ACLY: variants seen among roughly 807,000 people sequenced by gnomAD.
The protein encoded by ACLY is ATP-citrate synthase.
A neutral mutation model predicts 133.0 loss-of-function variants in ACLY; 41 were observed. The ratio of observed to expected loss-of-function variants is 0.31; its 90% confidence interval spans 0.24 to 0.40. The LOEUF is 0.40. Among genes scored for constraint, ACLY ranks in the 10% least tolerant of loss-of-function variants. The probability of loss-of-function intolerance (pLI) is 1.00; values close to 1 mark genes in which losing one functional copy is unlikely to be tolerated. For synonymous variants in ACLY, 495 were observed against 549.3 expected, an observed-to-expected ratio of 0.90 and a Z score of 1.38; for missense variants, 1,046 against 1,453.8, an observed-to-expected ratio of 0.72 and a Z score of 4.56.
At chr17:41,882,367 C>CAAAAAAAAAA (rs34078258) in intron 20 of ACLY, among the ~76,000 whole-genome samples, 3,179 of 40,234 alleles carry the variant, frequency 0.079, 1,004 homozygotes, top group South Asian at 0.12. Flanking sequence ...ACCCTGTCTC[C>CAAAAAAAAAA]AAAAAAAAAA....
At chr17:41,913,078 C>G (rs1487701685) in intron 2 of ACLY, among the ~76,000 whole-genome samples, 1 of 152,148 alleles carries the variant, frequency 6.6e-6, no homozygotes, top group African/African-American at 2.4e-5. Context: ...GAGCTGCCTC[C>G]TAGTGGGAAG....
upstream of ACLY, among the ~76,000 whole-genome samples, chr17:41,923,150 G>A (rs1208127819): frequency 6.6e-6 from 1 of 152,072 alleles, no homozygotes; most frequent in Admixed American, 6.5e-5. Context: ...TGGCTAACAT[G>A]GCAAAACCCC....
intron 23 of ACLY, among the ~76,000 whole-genome samples, chr17:41,873,173 T>A (rs1555625407): frequency 6.6e-6 from 1 of 150,604 alleles, no homozygotes; most frequent in Non-Finnish European, 1.5e-5. Flanking sequence ...GAACACAAGG[T>A]ACTTTTTTTT....
At chr17:41,918,329 C>G (rs769243988) in intron 1 of ACLY, among the ~76,000 whole-genome samples, 42 of 152,254 alleles carry the variant, frequency 2.8e-4, no homozygotes, top group Non-Finnish European at 4.9e-4. Context: ...GGCAGCCTGG[C>G]CCCGCGTGGC....
rs192826300 is a variant in ACLY, at chr17:41,889,380, G to A, written c.1771-1677C>T. Among the ~76,000 whole-genome samples, 14 of 150,798 alleles carry A rather than the reference G, an allele frequency of 9.3e-5. 1 individual carries two copies. The highest frequency in any genetic ancestry group is 3.3e-4 in the Admixed American group (5 of 15,170). ...TTGAAAATACAAAAATTAGCTGGGC[G>A]TGGTGGCAGGCGCCTGTAGTCCCAG... is the stretch of plus-strand genomic sequence containing the variant. On this transcript the variant is annotated intron_variant, in intron 16 of 28. Transcript: ENST00000352035.
intron 20 of ACLY, among the ~76,000 whole-genome samples, chr17:41,879,932 G>A (rs189062963): frequency 7.2e-5 from 11 of 152,126 alleles, no homozygotes; most frequent in Non-Finnish European, 1.3e-4. Context: ...GTTTCGCCAT[G>A]TGGTCCAGGC....
chr17:41,929,865 C>CGTGTGTGT (rs34705137), intron 1 of ACLY, among the ~76,000 whole-genome samples: 2,097 of 150,050 alleles, frequency 0.014, 12 homozygotes, highest in Non-Finnish European at 0.02. Flanking sequence ...ACATGTATGC[C>CGTGTGTGT]GTGTGTGTGT....
rs1186142165 is a variant in ACLY, at chr17:41,908,357, T to C, written c.616+632A>G. Among the ~76,000 whole-genome samples the C allele has an allele frequency of 2.6e-5, 4 of 152,244 alleles. No individual in the cohort carries two copies. The East Asian group carries it at 7.7e-4, about 29-fold the overall frequency. ...GGGAGGCAAGTGTGAGGCCTCTGAG[T>C]GTACCAGGAGGAATGAAGGGCCAAA... On this transcript the variant is annotated intron_variant, in intron 6 of 28. Transcript: ENST00000352035.
Position 41,892,263 on chromosome 17 carries a change from G to C in ACLY, c.1770+16C>G. ...CATGGTCCCCACCCCCCACCCTCCA[G>C]AGCCCAGTGATCTACCTGGGCATAG... On this transcript the variant is annotated intron_variant, in intron 16 of 28. Transcript: ENST00000352035. 1 of 951,600 alleles carries C rather than the reference G, an allele frequency of 1.1e-6. No individual in the cohort carries two copies. The allele number at this position is 951,600 out of a possible 1,614,324, so 58.9% of individuals were successfully genotyped here. A position where few individuals can be genotyped will look rare whatever the true frequency, so the allele number is the denominator to read the frequency against.
At chr17:41,868,954 CTATTA>C (rs1298218566) in intron 27 of ACLY, 84 bp downstream of exon 27, 92 of 1,374,394 alleles carry the variant, frequency 6.7e-5, no homozygotes, top group Admixed American at 1.2e-4. Context: ...TTCAAATATT[CTATTA>C]TGAGTATGCA....
chr17:41,886,516 T>C (rs1298693896), intron 17 of ACLY, among the ~76,000 whole-genome samples: 5 of 152,226 alleles, frequency 3.3e-5, no homozygotes, highest in South Asian at 2.1e-4. Context: ...AGAGCCTTAT[T>C]TGTAAAGCAT....
chr17:41,907,320 C>T, intron 7 of ACLY, 122 bp downstream of exon 7: 3 of 500,474 alleles, frequency 6.0e-6, no homozygotes, highest in African/African-American at 2.0e-5. Flanking sequence ...TTAAATGCTT[C>T]TCAGTCTTCC....
rs200246689 is a variant in ACLY at position 41,913,776 on chromosome 17, C to T, written c.98G>A (p.Arg33Gln). The change falls in exon 2 of 29, where the codon CGG becomes CAG. Residue 33 changes from arginine to glutamine, a missense_variant. By Grantham distance (43) the Arg-to-Gln change is conservative. Coordinates refer to ENST00000352035, the MANE Select transcript of ACLY (RefSeq NM_001096.3). ...SAIQNRFKYA[R>Q]VTPDTDWARL... ...GGCCCAGTCTGTGTCAGGAGTGACC[C>T]GAGCATACTTGAACCGATTCTGGAT... The T allele has an allele frequency of 6.8e-6, 11 of 1,614,098 alleles. No homozygotes were observed. The highest frequency in any genetic ancestry group is 2.7e-5 in the African/African-American group (2 of 74,936).
intron 20 of ACLY, among the ~76,000 whole-genome samples, chr17:41,882,080 G>A (rs1555627417): frequency 6.6e-6 from 1 of 151,830 alleles, no homozygotes; most frequent in Non-Finnish European, 1.5e-5. Context: ...CATGTAAGTT[G>A]TTTCCAGGCC....
At chr17:41,914,619 C>T (rs1385203073) in intron 1 of ACLY, among the ~76,000 whole-genome samples, 1 of 152,180 alleles carries the variant, frequency 6.6e-6, no homozygotes, top group Non-Finnish European at 1.5e-5. Flanking sequence ...GGAAACCGAC[C>T]TTTAGCACAT....
chr17:41,929,147 T>C (rs562416195), intron 1 of ACLY, among the ~76,000 whole-genome samples: 34 of 149,438 alleles, frequency 2.3e-4, no homozygotes, highest in African/African-American at 7.8e-4. Flanking sequence ...CAGGCTACAA[T>C]GCAGTGGCCC....
In ACLY at chr17:41,912,351, G is replaced by A. The variant is rs551434880; in HGVS notation, c.282+69C>T. ...GGCTGTGGGGGTGATCCACAGAGCT[G>A]CTGACCTGGAGGTGACCATATTTGC... On this transcript the variant is annotated intron_variant, in intron 3 of 28. Transcript: ENST00000352035. 4.4e-6 allele frequency: 7 copies of A among 1,576,596 alleles called. No homozygotes were observed. The African/African-American group carries it at 9.4e-5, about 21-fold the overall frequency.
At chr17:41,918,107 T>C (rs923380224) in intron 1 of ACLY, among the ~76,000 whole-genome samples, 3 of 152,192 alleles carry the variant, frequency 2.0e-5, no homozygotes, top group Non-Finnish European at 4.4e-5. Context: ...GACTGGCCCA[T>C]TGCCAGGCTC....
intron 25 of ACLY, 52 bp from the exon 26 acceptor site, chr17:41,869,639 G>T: frequency 6.8e-7 from 1 of 1,478,106 alleles, no homozygotes; most frequent in Non-Finnish European, 9.5e-7. Flanking sequence ...GCTGGGATGT[G>T]TTTGTTCATA....
Sources: gnomAD v4.1 joint callset for allele counts (sites outside exome capture counted in the v4.1 genomes callset) on GRCh38, gnomAD v4.1.1 for gene constraint, MANE v1.5 for transcripts, NCBI Gene and HGNC (gene_info 2026-07-23, HGNC 2026-07-21) for gene names.